The following SCAI variants were observed in gnomAD, a reference collection of about 807,000 sequenced individuals.
SCAI encodes the protein suppressor of cancer cell invasion, also known as protein SCAI.
SCAI carries 24 observed loss-of-function variants against 92.2 expected under a neutral mutation model. That is an observed-to-expected ratio of 0.26 (90% CI 0.19 to 0.37). The LOEUF (loss-of-function observed/expected upper bound fraction) is 0.37. SCAI is among the 10% of genes least tolerant of loss of function. The pLI is 1.00. For missense variants in SCAI, 450 were observed against 736.2 expected (o/e 0.61, Z 4.50); for synonymous variants, 261 against 258.6 (o/e 1.01, Z -0.09).
chr9:125,038,704 C>G (rs138989319), intron 3 of SCAI, among the ~76,000 whole-genome samples: 48 of 152,332 alleles, frequency 3.2e-4, no homozygotes, highest in Non-Finnish European at 6.6e-4. Flanking sequence ...ACTGAGAGAT[C>G]ATCTGCAGTT....
At chr9:124,955,167 A>T (rs887386277) in intron 17 of SCAI, among the ~76,000 whole-genome samples, 45 of 133,230 alleles carry the variant, frequency 3.4e-4, no homozygotes, top group African/African-American at 9.9e-4. Context: ...GACTCCGTCT[A>T]AAAAAAAAAA....
chr9:124,980,489 T>G (rs1831863360), intron 14 of SCAI, among the ~76,000 whole-genome samples: 1 of 152,182 alleles, frequency 6.6e-6, no homozygotes, highest in South Asian at 2.1e-4. Context: ...GTCCCTAGAA[T>G]GTGCAAACAA....
intron 9 of SCAI, among the ~76,000 whole-genome samples, chr9:125,010,361 G>A (rs1382856444): frequency 1.3e-5 from 2 of 152,142 alleles, no homozygotes; most frequent in Non-Finnish European, 2.9e-5. Flanking sequence ...CTTAAAAAAC[G>A]GTGCACCAGG....
intron 2 of SCAI, among the ~76,000 whole-genome samples, chr9:125,065,160 A>T (rs1207606724): frequency 6.6e-6 from 1 of 152,152 alleles, no homozygotes; most frequent in African/African-American, 2.4e-5. Context: ...TCAACAAAAT[A>T]AAGTTAGTTC....
chr9:124,963,252 T>A (rs528499253), intron 17 of SCAI, among the ~76,000 whole-genome samples: 1 of 151,774 alleles, frequency 6.6e-6, no homozygotes, highest in Non-Finnish European at 1.5e-5. Flanking sequence ...TTCTCCTGTC[T>A]CAGCCTCCCG....
At chr9:125,081,977 G>A (rs781627259) in intron 2 of SCAI, among the ~76,000 whole-genome samples, 20 of 152,180 alleles carry the variant, frequency 1.3e-4, no homozygotes, top group Admixed American at 9.2e-4. Context: ...CATTCAAGCC[G>A]GCTGCAGAAA....
chr9:125,104,543 C>A (rs1834736742), intron 2 of SCAI, among the ~76,000 whole-genome samples: 1 of 139,814 alleles, frequency 7.2e-6, no homozygotes, highest in Non-Finnish European at 1.5e-5. Context: ...AAAAAACAAA[C>A]AAAACAAATA....
intron 3 of SCAI, among the ~76,000 whole-genome samples, chr9:125,049,350 G>A (rs183434011): frequency 6.6e-6 from 1 of 152,084 alleles, no homozygotes; most frequent in South Asian, 2.1e-4. Context: ...TACATGTCTC[G>A]AGATGCTGCC....
intron 2 of SCAI, among the ~76,000 whole-genome samples, chr9:125,087,223 A>T (rs895711927): frequency 1.3e-5 from 2 of 152,256 alleles, no homozygotes; most frequent in African/African-American, 4.8e-5. Flanking sequence ...GAGCACACTT[A>T]GTTTTTTGCT....
chr9:125,101,623 C>T (rs971012510), intron 2 of SCAI, among the ~76,000 whole-genome samples: 11 of 152,136 alleles, frequency 7.2e-5, no homozygotes, highest in Admixed American at 7.2e-4. Flanking sequence ...GCAGAACAGG[C>T]AGCTGGAATT....
intron 2 of SCAI, among the ~76,000 whole-genome samples, chr9:125,134,272 G>A (rs545371241): frequency 6.6e-6 from 1 of 152,188 alleles, no homozygotes; most frequent in Admixed American, 6.5e-5. Context: ...CCCTTTGTAT[G>A]TACTGTGTAA....
At chr9:125,078,464 G>A (rs569511757) in intron 2 of SCAI, among the ~76,000 whole-genome samples, 41 of 152,138 alleles carry the variant, frequency 2.7e-4, no homozygotes, top group Non-Finnish European at 4.4e-4. Context: ...GGAGGTGGAG[G>A]TTGCAGTGAG....
intron 2 of SCAI, chr9:125,066,064 T>C (rs759953671): frequency 1.5e-5 from 11 of 739,848 alleles, no homozygotes; most frequent in East Asian, 7.5e-5. Flanking sequence ...TGATACTGTA[T>C]TGAATAAAGA....
intron 14 of SCAI, among the ~76,000 whole-genome samples, chr9:124,980,201 T>C (rs1173824371): frequency 2.0e-5 from 3 of 152,178 alleles, no homozygotes; most frequent in Non-Finnish European, 4.4e-5. Flanking sequence ...TTAGGGATCT[T>C]AGCCATGTCG....
chr9:125,087,710 T>C (rs1359775086), intron 2 of SCAI, among the ~76,000 whole-genome samples: 1 of 152,150 alleles, frequency 6.6e-6, no homozygotes, highest in Non-Finnish European at 1.5e-5. Context: ...ATGTGAAATC[T>C]CATTAAAAGC....
rs762173500 is a variant in SCAI, at chr9:125,091,859, C to A, written c.99-35852G>T. On this transcript the variant is annotated intron_variant, in intron 2 of 17. Coordinates refer to ENST00000336505, the MANE Select transcript of SCAI (RefSeq NM_001144877.3). This position sits in a 1 kb window ranked among gnomAD's most constrained non-coding sequence, Gnocchi z 4.3. The stretch of plus-strand genomic sequence containing the variant: ...GGGCACAGTGGCTCACGCCTGTAAT[C>A]CCAGCACTGCGGGAGGCCGAGGCGA... Among the ~76,000 whole-genome samples, 21 of 152,294 alleles carry A rather than the reference C, an allele frequency of 1.4e-4. No individual in the cohort carries two copies. The highest frequency in any genetic ancestry group is 6.2e-4 in the South Asian group (3 of 4,834).
intron 14 of SCAI, among the ~76,000 whole-genome samples, chr9:124,989,388 T>G (rs1374908246): frequency 6.6e-6 from 1 of 152,000 alleles, no homozygotes; most frequent in African/African-American, 2.4e-5. Flanking sequence ...AAGACCAACC[T>G]GGCCAACATG....
chr9:124,971,944 A>G, intron 15 of SCAI, 100 bp from the exon 16 acceptor site: 4 of 580,252 alleles, frequency 6.9e-6, no homozygotes, highest in Non-Finnish European at 2.7e-6. Context: ...TATAAAATTA[A>G]AGCTATCTCA....
At position 124,971,752 on chromosome 9, in the gene SCAI, C is replaced by G; in HGVS notation, c.1492G>C (p.Gly498Arg). Residue 498 changes from glycine (G) to arginine (R), a missense_variant, in exon 16 of 18, where the codon GGC (glycine) becomes CGC (arginine). Transcript: ENST00000336505. ...TATTCTTGACACTTTTCCCATAGGCCTCTGCGCATGCTTGACAATCCAGAG... is the reference window on the plus strand; with the variant it reads ...TATTCTTGACACTTTTCCCATAGGCGTCTGCGCATGCTTGACAATCCAGAG... Reference protein sequence around the residue: ...FVSGLSSMRRGLWEKCQEYLR... With the variant: ...FVSGLSSMRRRLWEKCQEYLR... The G allele has an allele frequency of 6.2e-7, 1 of 1,612,752 alleles. No individual in the cohort carries two copies. Among genetic ancestry groups the G allele is most frequent in the Non-Finnish European group, 8.5e-7 (1 of 1,179,690 alleles).
Sources: gnomAD v4.1 joint callset for allele counts (sites outside exome capture counted in the v4.1 genomes callset) on GRCh38, gnomAD v4.1.1 for gene constraint, Gnocchi (gnomAD v3.1) non-coding constraint, MANE v1.5 for transcripts, NCBI Gene and HGNC (gene_info 2026-07-23, HGNC 2026-07-21) for gene names.